The following PALS1 variants were observed in gnomAD, a reference collection of about 807,000 sequenced individuals.
PALS1 encodes protein associated with LIN7 1, MAGUK p55 family member, also known as protein PALS1.
A neutral mutation model predicts 78.9 loss-of-function variants in PALS1; 31 were observed. That is an observed-to-expected ratio of 0.39 (90% CI 0.30 to 0.53). The LOEUF (loss-of-function observed/expected upper bound fraction) is 0.53. Among genes scored for constraint, PALS1 ranks in the 20% least tolerant of loss-of-function variants. The pLI, the probability that PALS1 is intolerant of heterozygous loss-of-function variation, is 0.67. For synonymous variants in PALS1, 276 were observed against 270.9 expected (o/e 1.02, Z -0.18); for missense variants, 704 against 826.5 (o/e 0.85, Z 1.82).
At chr14:67,308,122 A>C (rs1166383342) in intron 8 of PALS1, among the ~76,000 whole-genome samples, 2 of 152,138 alleles carry the variant, frequency 1.3e-5, no homozygotes, top group Admixed American at 1.3e-4. Context: ...AAAAGTAACT[A>C]ATGGGTACTA....
chr14:67,302,227 A>G (rs905714179), intron 6 of PALS1, 109 bp downstream of exon 6: 2 of 1,276,780 alleles, frequency 1.6e-6, no homozygotes, highest in African/African-American at 3.1e-5. Context: ...TCTGAAGCAG[A>G]AAGTGTGGGG....
At chr14:67,287,252 T>A (rs1016076946) in intron 3 of PALS1, among the ~76,000 whole-genome samples, 6 of 151,462 alleles carry the variant, frequency 4.0e-5, no homozygotes, top group Admixed American at 6.6e-5. Context: ...CACTGGAGAT[T>A]CTGGTTATGA....
intron 4 of PALS1, among the ~76,000 whole-genome samples, chr14:67,300,876 G>C (rs1320502107): frequency 1.3e-5 from 2 of 151,432 alleles, no homozygotes; most frequent in African/African-American, 4.9e-5. Context: ...TTATAAAATA[G>C]AGACAGGGTC....
chr14:67,317,034 C>G (rs1341958658), intron 10 of PALS1, 131 bp downstream of exon 10: 1 of 648,220 alleles, frequency 1.5e-6, no homozygotes, highest in Non-Finnish European at 2.7e-6. Context: ...AACTGATTAT[C>G]TCAGAACTGT....
intron 13 of PALS1, among the ~76,000 whole-genome samples, chr14:67,323,261 GTA>G (rs58770441): frequency 8.6e-4 from 107 of 124,190 alleles, no homozygotes; most frequent in Middle Eastern, 4.1e-3. Context: ...GTGTGTGTGT[GTA>G]TATATATATA....
chr14:67,295,057 A>G (rs2084826111), intron 4 of PALS1: 1 of 152,268 alleles, frequency 6.6e-6, no homozygotes, highest in Non-Finnish European at 1.5e-5. Flanking sequence ...GAGAGTAAAA[A>G]TGAAAGCCAA....
intron 3 of PALS1, chr14:67,279,795 A>C (rs1257974978): frequency 5.4e-6 from 2 of 370,426 alleles, no homozygotes; most frequent in Admixed American, 4.5e-5. Context: ...ATGGGCCCTA[A>C]CATTTAAAGC....
At chr14:67,292,383 T>TATA in intron 3 of PALS1, 128 bp from the exon 4 acceptor site, 1 of 615,864 alleles carries the variant, frequency 1.6e-6, no homozygotes, top group Non-Finnish European at 2.9e-6. Flanking sequence ...TTGACAATAA[T>TATA]ATATGCAGAT....
intron 4 of PALS1, among the ~76,000 whole-genome samples, chr14:67,301,128 G>A (rs111922785): frequency 1.3e-5 from 2 of 152,074 alleles, no homozygotes; most frequent in African/African-American, 2.4e-5. Context: ...TTTATGGTAT[G>A]TTGGGTGAAA....
intron 11 of PALS1, among the ~76,000 whole-genome samples, chr14:67,318,003 C>A (rs1348724801): frequency 6.6e-6 from 1 of 152,222 alleles, no homozygotes; most frequent in South Asian, 2.1e-4. Context: ...ATGACTGTTG[C>A]TCTTATATCA....
At chr14:67,241,579 A>G (rs890684649) in intron 1 of PALS1, 46 bp downstream of exon 1, 1 of 151,720 alleles carries the variant, frequency 6.6e-6, no homozygotes, top group Non-Finnish European at 1.5e-5. Context: ...ATCTTAATCA[A>G]CAGGTCCCTG....
chr14:67,314,560 G>C (rs1455056565), intron 9 of PALS1, among the ~76,000 whole-genome samples: 1 of 152,192 alleles, frequency 6.6e-6, no homozygotes, highest in Non-Finnish European at 1.5e-5. Flanking sequence ...TAGAATCTTG[G>C]AGTGTTGGGT....
At chr14:67,283,615 C>G (rs185037884) in intron 3 of PALS1, among the ~76,000 whole-genome samples, 1 of 151,834 alleles carries the variant, frequency 6.6e-6, no homozygotes, top group Admixed American at 6.5e-5. Context: ...TTTTATCTTC[C>G]TGGAATTGAA....
At chr14:67,271,024 T>A (rs916018527) in intron 2 of PALS1, 1 of 152,200 alleles carries the variant, frequency 6.6e-6, no homozygotes, top group Non-Finnish European at 1.5e-5. Context: ...GTAAAAGATA[T>A]AGCTAGAAAT....
At chr14:67,254,226 G>A (rs1011089554) in intron 1 of PALS1, 8 of 136,448 alleles carry the variant, frequency 5.9e-5, no homozygotes, top group Admixed American at 2.3e-4. Context: ...TTAAGGATAC[G>A]GACTCTGCCT....
chr14:67,281,394 T>C (rs1759213158), intron 3 of PALS1, among the ~76,000 whole-genome samples: 1 of 152,214 alleles, frequency 6.6e-6, no homozygotes, highest in South Asian at 2.1e-4. Flanking sequence ...ATTACATTTT[T>C]TTAATACCTT....
intron 3 of PALS1, among the ~76,000 whole-genome samples, chr14:67,285,882 T>C (rs2084677447): frequency 6.6e-6 from 1 of 152,134 alleles, no homozygotes; most frequent in East Asian, 1.9e-4. Context: ...TGTGGACCCA[T>C]GTGTATGTTT....
rs76813715 is a variant in PALS1 at position 67,250,084 on chromosome 14, A to G, written c.-237+8551A>G. Among the ~76,000 whole-genome samples the G allele has an allele frequency of 2.7e-3, 415 of 152,266 alleles. 7 individuals are homozygous for G. The East Asian group carries it at 0.047, about 17-fold the overall frequency. On this transcript the variant is annotated intron_variant, in intron 1 of 14. Transcript: ENST00000261681. ...AGATTCACTAGAGCGATTTTATGGCACACAAATGGGTCACATCCTACAACT... is the reference window on the plus strand; with the variant it reads ...AGATTCACTAGAGCGATTTTATGGCGCACAAATGGGTCACATCCTACAACT...
At chr14:67,304,034 C>A in intron 8 of PALS1, 1 of 159,074 alleles carries the variant, frequency 6.3e-6, no homozygotes, top group Non-Finnish European at 1.4e-5. Flanking sequence ...TCCCAAAGTG[C>A]TGGGATTACA....
Sources: gnomAD v4.1 joint callset for allele counts (sites outside exome capture counted in the v4.1 genomes callset) on GRCh38, gnomAD v4.1.1 for gene constraint, MANE v1.5 for transcripts, NCBI Gene and HGNC (gene_info 2026-07-23, HGNC 2026-07-21) for gene names.